Variants in PRKN observed in about 807,000 individuals in gnomAD.
PRKN encodes E3 ubiquitin-protein ligase parkin.
PRKN carries 56 observed loss-of-function variants against 59.5 expected under a neutral mutation model. The observed-to-expected ratio is 0.94, with a 90% CI of 0.76 to 1.18. The LOEUF (loss-of-function observed/expected upper bound fraction) is 1.18, where lower values mean the gene tolerates loss of function less well. PRKN is among the 50% of genes most tolerant of loss of function. The pLI, the probability that PRKN is intolerant of heterozygous loss-of-function variation, is 0.00. For missense variants in PRKN, 657 were observed against 596.4 expected (o/e 1.10, Z -1.06); for synonymous variants, 250 against 222.1 (o/e 1.13, Z -1.12).
intron 3 of PRKN, among the ~76,000 whole-genome samples, chr6:162,227,238 C>T (rs1028666351): frequency 6.6e-6 from 1 of 152,192 alleles, no homozygotes; most frequent in African/African-American, 2.4e-5. Context: ...AACATCCACA[C>T]CCTTTACTCA....
intron 7 of PRKN, among the ~76,000 whole-genome samples, chr6:161,639,214 G>T (rs1299764056): frequency 6.6e-6 from 1 of 152,120 alleles, no homozygotes; most frequent in Admixed American, 6.6e-5. Context: ...CCAGTCTCAG[G>T]TACAACTTTA....
At chr6:162,259,264 T>C (rs367578027) in intron 3 of PRKN, among the ~76,000 whole-genome samples, 26 of 152,344 alleles carry the variant, frequency 1.7e-4, no homozygotes, top group East Asian at 1.2e-3. Context: ...GACCTGCCTC[T>C]GTTCTCCCAC....
rs983952036 is a variant in PRKN, at chr6:161,470,828, C to A, written c.1083+78026G>T. 8.5e-5 allele frequency among the ~76,000 whole-genome samples: 13 copies of A among 152,144 alleles called. No individual in the cohort carries two copies. The highest frequency in any genetic ancestry group is 2.9e-4 in the African/African-American group (12 of 41,420). ...CCACATGTAGGGGATGTGGATGAAT[C>A]TGAGATTTGTGGGCTGGGTGTCTGC... On this transcript the variant is annotated intron_variant, in intron 9 of 11. Transcript: ENST00000366898. The surrounding 1 kb of genome is among the most constrained non-coding windows in gnomAD (Gnocchi z 5.1).
intron 6 of PRKN, among the ~76,000 whole-genome samples, chr6:161,830,550 C>T (rs1009250636): frequency 6.6e-6 from 1 of 152,178 alleles, no homozygotes. Context: ...CCGCACCCGG[C>T]CCGCCTTTGT....
At chr6:161,891,169 C>A (rs569543802) in intron 6 of PRKN, among the ~76,000 whole-genome samples, 1 of 152,080 alleles carries the variant, frequency 6.6e-6, no homozygotes, top group Non-Finnish European at 1.5e-5. Context: ...TTTAAAAGCA[C>A]GGGGAGAGGG....
In PRKN at chr6:161,462,674, A is replaced by G. The variant is rs958346219; in HGVS notation, c.1084-75797T>C. Among the ~76,000 whole-genome samples, 1 of 152,232 alleles carries G rather than the reference A, an allele frequency of 6.6e-6. No homozygotes were observed. The highest frequency in any genetic ancestry group is 1.5e-5 in the Non-Finnish European group (1 of 68,044). ...ATTTAATATGTCATTAACAGAGGTT[A>G]ACTTGCTGAAAAATAAGCTGAATTC... On this transcript the variant is annotated intron_variant, in intron 9 of 11. Transcript: ENST00000366898. This position sits in a 1 kb window ranked among gnomAD's most constrained non-coding sequence, Gnocchi z 4.5.
intron 5 of PRKN, among the ~76,000 whole-genome samples, chr6:162,014,881 T>G (rs1365478983): frequency 1.3e-5 from 2 of 152,126 alleles, no homozygotes; most frequent in Non-Finnish European, 2.9e-5. Context: ...CTCATGCCTT[T>G]TTCCCAGCTG....
rs375184686 is a variant in PRKN, at chr6:162,484,094, C to A, written c.8-40621G>T. 3.9e-5 allele frequency among the ~76,000 whole-genome samples: 6 copies of A among 152,248 alleles called. No homozygotes were observed. The South Asian group carries it at 1.2e-3, about 32-fold the overall frequency. On this transcript the variant is annotated intron_variant, in intron 1 of 11. Coordinates refer to ENST00000366898, the MANE Select transcript of PRKN (RefSeq NM_004562.3). ...AAAGTATGTCTAAAAAAGAAGAAAG[C>A]AACGATAGCATCAGATGCCTCTTAA...
At chr6:161,950,036 G>T (rs1204899532) in intron 6 of PRKN, among the ~76,000 whole-genome samples, 1 of 152,220 alleles carries the variant, frequency 6.6e-6, no homozygotes. Flanking sequence ...AAGGTCCTGT[G>T]CTGTTTTGCT....
In PRKN at chr6:162,303,103, C is replaced by G. The variant is rs79769699; in HGVS notation, c.172-40338G>C. ...GTTACTCATATTTGGAAAGGTAATTCAGTACTATTTGTTCTGCTATGGTGT... is the reference window on the plus strand; with the variant it reads ...GTTACTCATATTTGGAAAGGTAATTGAGTACTATTTGTTCTGCTATGGTGT... On this transcript the variant is annotated intron_variant, in intron 2 of 11. Coordinates refer to ENST00000366898, the MANE Select transcript of PRKN (RefSeq NM_004562.3). Among the ~76,000 whole-genome samples, 664 of 150,492 alleles carry G rather than the reference C, an allele frequency of 4.4e-3. 4 individuals are homozygous for G. Among genetic ancestry groups the G allele is most frequent in the Non-Finnish European group, 5.9e-3 (399 of 67,968 alleles).
At chr6:162,146,498 T>C (rs757654688) in intron 4 of PRKN, among the ~76,000 whole-genome samples, 4 of 150,548 alleles carry the variant, frequency 2.7e-5, no homozygotes, top group Non-Finnish European at 4.4e-5. Context: ...TATATACACA[T>C]TATATATATA....
At chr6:162,372,623 C>T (rs150426444) in intron 2 of PRKN, among the ~76,000 whole-genome samples, 213 of 152,200 alleles carry the variant, frequency 1.4e-3, no homozygotes, top group Admixed American at 3.1e-3. Context: ...TCACTACTTG[C>T]GTTGCAGAAT....
chr6:162,484,574 C>A (rs1792457038), intron 1 of PRKN, among the ~76,000 whole-genome samples: 1 of 152,164 alleles, frequency 6.6e-6, no homozygotes, highest in Non-Finnish European at 1.5e-5. Context: ...AACAAGAATT[C>A]TGTTTGGGAC....
intron 1 of PRKN, among the ~76,000 whole-genome samples, chr6:162,616,170 C>T (rs1320662300): frequency 1.3e-5 from 2 of 152,044 alleles, no homozygotes; most frequent in African/African-American, 2.4e-5. Flanking sequence ...GCCCATTTAC[C>T]CATATCCTCT....
At position 161,578,724 on chromosome 6, in the gene PRKN, A is replaced by G. The variant is rs1199078222; in HGVS notation, c.872-9308T>C. On this transcript the variant is annotated intron_variant, in intron 7 of 11. Transcript: ENST00000366898. The surrounding 1 kb of genome is among the most constrained non-coding windows in gnomAD (Gnocchi z 4.2). ...TAGATCTAATCAGCGCTGCTCTGCA[A>G]TAGATTTTCTGTGGTCATTTGGGAG... Among the ~76,000 whole-genome samples the G allele has an allele frequency of 6.6e-6, 1 of 152,206 alleles. No individual in the cohort carries two copies. Among genetic ancestry groups the G allele is most frequent in the Non-Finnish European group, 1.5e-5 (1 of 68,034 alleles).
chr6:161,980,065 G>A lies in PRKN; in HGVS notation c.619-6648C>T, dbSNP rs150838181. Among the ~76,000 whole-genome samples the A allele has an allele frequency of 6.7e-3, 1,024 of 152,208 alleles. 17 individuals carry two copies. Among genetic ancestry groups the A allele is most frequent in the African/African-American group, 0.023 (976 of 41,534 alleles). ...ATTACTATAAAGGTAGATGACAACT[G>A]GCTTGAAAGCCCTGCTTATCACAGT... On this transcript the variant is annotated intron_variant, in intron 5 of 11. Transcript: ENST00000366898.
intron 1 of PRKN, among the ~76,000 whole-genome samples, chr6:162,447,406 ATTGTT>A (rs1469679773): frequency 6.8e-4 from 103 of 152,282 alleles, no homozygotes; most frequent in African/African-American, 2.4e-3. Flanking sequence ...TTGGAAATGC[ATTGTT>A]TTAATAATTG....
intron 4 of PRKN, among the ~76,000 whole-genome samples, chr6:162,154,197 G>C (rs1057219454): frequency 2.0e-5 from 3 of 152,134 alleles, no homozygotes; most frequent in African/African-American, 7.2e-5. Flanking sequence ...TGCTGCTGAA[G>C]ACACCCGCAT....
At chr6:162,379,668 A>G (rs1447912872) in intron 2 of PRKN, among the ~76,000 whole-genome samples, 1 of 152,160 alleles carries the variant, frequency 6.6e-6, no homozygotes, top group Non-Finnish European at 1.5e-5. Flanking sequence ...TCCTGAGAGC[A>G]TGCATGTGGA....
Sources: allele counts gnomAD v4.1 joint callset (sites outside exome capture counted in the v4.1 genomes callset), GRCh38; gene constraint gnomAD v4.1.1; non-coding constraint Gnocchi (gnomAD v3.1); transcripts MANE v1.5; gene names NCBI Gene and HGNC (gene_info 2026-07-23, HGNC 2026-07-21).